The following HSPA4L variants were observed in gnomAD, a reference collection of about 807,000 sequenced individuals.
HSPA4L encodes the protein heat shock 70 kDa protein 4L.
A neutral mutation model predicts 100.3 loss-of-function variants in HSPA4L; 48 were observed. That is an observed-to-expected ratio of 0.48 (90% confidence interval 0.38 to 0.61). HSPA4L has a LOEUF of 0.61. Ranked by LOEUF, HSPA4L falls within the 20% of genes least tolerant of loss-of-function variation. The probability of loss-of-function intolerance (pLI) is 0.00; values close to 1 mark genes in which losing one functional copy is unlikely to be tolerated. For synonymous variants in HSPA4L, 319 were observed against 328.2 expected (o/e 0.97, Z 0.30); for missense variants, 886 against 988.6 (o/e 0.90, Z 1.39).
intron 16 of HSPA4L, among the ~76,000 whole-genome samples, chr4:127,825,054 G>A (rs557356885): frequency 3.3e-5 from 5 of 152,034 alleles, no homozygotes; most frequent in Admixed American, 2.6e-4. Flanking sequence ...GCAGGAGAAT[G>A]GCGTGAACCC....
At chr4:127,828,572 A>G (rs1734005443) in intron 17 of HSPA4L, among the ~76,000 whole-genome samples, 1 of 152,100 alleles carries the variant, frequency 6.6e-6, no homozygotes, top group African/African-American at 2.4e-5. Flanking sequence ...GCTTTCCACT[A>G]CACAAAATTG....
intron 4 of HSPA4L, among the ~76,000 whole-genome samples, chr4:127,799,138 A>G (rs889103073): frequency 1.3e-5 from 2 of 152,176 alleles, no homozygotes; most frequent in Admixed American, 6.5e-5. Flanking sequence ...TTGAGGTCCC[A>G]TTAAACATTG....
intron 16 of HSPA4L, among the ~76,000 whole-genome samples, chr4:127,824,886 C>T (rs1022467551): frequency 1.3e-5 from 2 of 152,272 alleles, no homozygotes; most frequent in Middle Eastern, 3.4e-3. Context: ...CCTCTAATCC[C>T]GGCACTTTGG....
intron 2 of HSPA4L, among the ~76,000 whole-genome samples, chr4:127,794,519 A>G (rs1732967109): frequency 6.6e-6 from 1 of 152,082 alleles, no homozygotes; most frequent in East Asian, 1.9e-4. Flanking sequence ...ACTAATTTCC[A>G]GAGTAACTCA....
chr4:127,820,303 C>A (rs1394813413), intron 13 of HSPA4L, 125 bp from the exon 14 acceptor site: 1 of 745,588 alleles, frequency 1.3e-6, no homozygotes, highest in Non-Finnish European at 2.0e-6. Context: ...TAACATCAGT[C>A]TTAAGGTAGT....
intron 12 of HSPA4L, among the ~76,000 whole-genome samples, chr4:127,814,344 G>A (rs1380009281): frequency 1.3e-5 from 2 of 152,064 alleles, no homozygotes; most frequent in Non-Finnish European, 2.9e-5. Context: ...AAGAAAAAAG[G>A]TAGCTAACAT....
rs1734300150 is a variant in HSPA4L, at chr4:127,838,982, A to G, written c.*6108A>G. 1 of 152,126 alleles carries G rather than the reference A, an allele frequency of 6.6e-6. No individual in the cohort carries two copies. The highest frequency in any genetic ancestry group is 1.5e-5 in the Non-Finnish European group (1 of 68,024). The allele number at this position is 152,126 out of a possible 1,614,324, so 9.4% of individuals were successfully genotyped here. Reference sequence around the variant, plus strand: ...ATTTAATAGTAGCATTCTGGAGTAGATTCTTTTTTTGTATTCTGGCCTTGG... The same window carrying G: ...ATTTAATAGTAGCATTCTGGAGTAGGTTCTTTTTTTGTATTCTGGCCTTGG... On this transcript the variant is annotated 3_prime_UTR_variant, in exon 19 of 19. Transcript: ENST00000296464.
intron 12 of HSPA4L, chr4:127,812,915 T>G: frequency 1.2e-6 from 1 of 850,048 alleles, no homozygotes; most frequent in South Asian, 1.3e-5. Context: ...GAGTGCTTAA[T>G]GTGCTCAATA....
intron 3 of HSPA4L, among the ~76,000 whole-genome samples, chr4:127,797,105 T>A (rs984161944): frequency 2.0e-5 from 3 of 152,156 alleles, no homozygotes; most frequent in African/African-American, 7.2e-5. Context: ...GTTAAAATAG[T>A]TGAGGAAGAC....
chr4:127,783,706 T>C, intron 1 of HSPA4L: 1 of 1,527,420 alleles, frequency 6.5e-7, no homozygotes, highest in East Asian at 2.4e-5. Context: ...AATTTGACCG[T>C]TCTGAATGGT....
Position 127,782,586 on chromosome 4 carries a change from C to G in HSPA4L, c.36C>G (p.Asn12Lys). 1 of 1,614,198 alleles carries G rather than the reference C, an allele frequency of 6.2e-7. No homozygotes were observed. The highest frequency in any genetic ancestry group is 8.5e-7 in the Non-Finnish European group (1 of 1,180,026). Reference sequence around the variant, plus strand: ...TTGGCATTGACCTCGGCTTTCTCAACTGCTACATTGCTGTCGCGAGAAGTG... The same window carrying G: ...TTGGCATTGACCTCGGCTTTCTCAAGTGCTACATTGCTGTCGCGAGAAGTG... ...SVVGIDLGFL[N>K]CYIAVARSGG... is the part of the protein sequence containing the mutation. Residue 12 changes from asparagine to lysine, a missense_variant, in exon 1 of 19, where the codon AAC (asparagine) becomes AAG (lysine). By Grantham distance (94) the Asn-to-Lys change is moderately conservative. Coordinates refer to ENST00000296464, the MANE Select transcript of HSPA4L (RefSeq NM_014278.4).
rs895954930 is a variant in HSPA4L, at chr4:127,838,124, G to A, written c.*5250G>A. The A allele has an allele frequency of 6.6e-6, 1 of 152,024 alleles. No individual in the cohort carries two copies. The allele number at this position is 152,024 out of a possible 1,614,324, so 9.4% of individuals were successfully genotyped here. On this transcript the variant is annotated 3_prime_UTR_variant, in exon 19 of 19. Coordinates refer to ENST00000296464, the MANE Select transcript of HSPA4L (RefSeq NM_014278.4). ...GGCCAATGTTCTTTTATATACTCAT[G>A]TTTTCTAACAAAACAGCTTTGGATT...
At chr4:127,804,946 GT>G in intron 8 of HSPA4L, 126 bp from the exon 9 acceptor site, 1 of 588,074 alleles carries the variant, frequency 1.7e-6, no homozygotes, top group Non-Finnish European at 3.0e-6. Context: ...TCTAAAAATT[GT>G]ATTTTTCTTC....
At chr4:127,796,046 A>C (rs1733013753) in intron 3 of HSPA4L, 138 bp downstream of exon 3, 4 of 647,536 alleles carry the variant, frequency 6.2e-6, no homozygotes, top group Non-Finnish European at 1.0e-5. Flanking sequence ...TTTTTGTAAT[A>C]ATTTTAGTGA....
chr4:127,781,822 T>A (rs1479550050), upstream of HSPA4L: 3 of 259,908 alleles, frequency 1.2e-5, no homozygotes, highest in Admixed American at 5.1e-5. Flanking sequence ...GGGCTGCACA[T>A]GGGCCCCTCG....
At chr4:127,813,448 G>C (rs1268861025) in intron 12 of HSPA4L, 1 of 359,936 alleles carries the variant, frequency 2.8e-6, no homozygotes, top group Non-Finnish European at 5.0e-6. Context: ...AATTGAGGAA[G>C]AGGAAATGTC....
intron 4 of HSPA4L, 92 bp from the exon 5 acceptor site, chr4:127,801,046 A>T: frequency 2.3e-6 from 2 of 879,432 alleles, no homozygotes; most frequent in Non-Finnish European, 3.4e-6. Flanking sequence ...TATTTGCCTT[A>T]AACTGTACAT....
rs1734182791 is a variant in HSPA4L at position 127,835,474 on chromosome 4, G to A, written c.*2600G>A. On this transcript the variant is annotated 3_prime_UTR_variant, in exon 19 of 19. Coordinates refer to ENST00000296464, the MANE Select transcript of HSPA4L (RefSeq NM_014278.4). ...CCTAGCACTTTGGGAGGCCAAGGCA[G>A]GCAGATCACCTGAGGTCAGGAGTTC... 6.6e-6 allele frequency: 1 copy of A among 152,176 alleles called. No homozygotes were observed. Among genetic ancestry groups the A allele is most frequent in the Non-Finnish European group, 1.5e-5 (1 of 68,036 alleles). The allele number at this position is 152,176 out of a possible 1,614,324, so 9.4% of individuals were successfully genotyped here.
intron 1 of HSPA4L, among the ~76,000 whole-genome samples, chr4:127,784,161 A>T (rs1025221085): frequency 5.3e-5 from 8 of 152,248 alleles, no homozygotes; most frequent in African/African-American, 1.4e-4. Context: ...CTCCACCTTC[A>T]GCAGAGTAGG....
Sources: gnomAD v4.1 joint callset for allele counts (sites outside exome capture counted in the v4.1 genomes callset) on GRCh38, gnomAD v4.1.1 for gene constraint, MANE v1.5 for transcripts, NCBI Gene and HGNC (gene_info 2026-07-23, HGNC 2026-07-21) for gene names.